Variants in LRRC31 observed in about 807,000 individuals in gnomAD.
LRRC31 encodes the protein leucine-rich repeat-containing protein 31.
Under a neutral mutation model 46.7 loss-of-function variants are expected in LRRC31, and 35 were observed. The observed-to-expected ratio is 0.75, with a 90% CI of 0.57 to 0.99. The LOEUF (loss-of-function observed/expected upper bound fraction) is 0.99, where lower values mean the gene tolerates loss of function less well. Ranked by LOEUF, LRRC31 falls within the 50% of genes least tolerant of loss-of-function variation. The pLI is 0.00. For missense variants in LRRC31, 613 were observed against 626.1 expected (o/e 0.98, Z 0.22); for synonymous variants, 236 against 235.1 (o/e 1.00, Z -0.03).
intron 8 of LRRC31, among the ~76,000 whole-genome samples, chr3:169,844,845 T>C (rs906865051): frequency 4.7e-5 from 7 of 148,382 alleles, no homozygotes; most frequent in African/African-American, 1.8e-4. Flanking sequence ...GGCAGGAGAA[T>C]CGCTTGAACC....
chr3:169,856,975 G>A (rs560491956), intron 3 of LRRC31, 103 bp from the exon 4 acceptor site: 1 of 1,123,304 alleles, frequency 8.9e-7, no homozygotes, highest in East Asian at 2.5e-5. Flanking sequence ...TGGAAACTGG[G>A]CCAGGTACTG....
At chr3:169,853,191 G>A in intron 6 of LRRC31, 2 of 984,018 alleles carry the variant, frequency 2.0e-6, no homozygotes, top group Non-Finnish European at 2.4e-6. Flanking sequence ...CTGGCACGGT[G>A]CCCCACACCA....
At chr3:169,850,269 G>A (rs950109274) in intron 7 of LRRC31, among the ~76,000 whole-genome samples, 9 of 151,868 alleles carry the variant, frequency 5.9e-5, no homozygotes, top group East Asian at 1.9e-4. Flanking sequence ...CCTCCTTTTC[G>A]GCCTGAGTAT....
At position 169,854,840 on chromosome 3, in the gene LRRC31, G is replaced by A. The variant is rs1257131492; in HGVS notation, c.964C>T (p.Leu322=). 1.2e-6 allele frequency: 2 copies of A among 1,613,422 alleles called. No homozygotes were observed. Among genetic ancestry groups the A allele is most frequent in the East Asian group, 2.2e-5 (1 of 44,878 alleles). ...LQVLDLHQCS[L]TADDVMSLTQ... ...AGTGACATCACGTCATCTGCTGTTA[G>A]TGAGCACTGGTGAAGATCTAGGACT... Residue 322 remains leucine (L), a synonymous_variant, in exon 6 of 9, where the codon CTA becomes TTA. Coordinates refer to ENST00000316428, the MANE Select transcript of LRRC31 (RefSeq NM_024727.4).
intron 1 of LRRC31, among the ~76,000 whole-genome samples, chr3:169,865,883 G>A (rs1384018821): frequency 6.6e-6 from 1 of 152,080 alleles, no homozygotes; most frequent in Non-Finnish European, 1.5e-5. Context: ...GTGACACGAG[G>A]GAACATCTTT....
rs1165028805 is a variant in LRRC31 at position 169,848,214 on chromosome 3, C to T, written c.1233G>A (p.Leu411=). The change falls in exon 8 of 9, where the codon TTG becomes TTA. Residue 411 remains leucine (L), a synonymous_variant. Coordinates refer to ENST00000316428, the MANE Select transcript of LRRC31 (RefSeq NM_024727.4). ...LSWNKCVGGN[L]KLLLETLKLS... ...GCTTTAGTGTTTCCAGAAGCAGCTT[C>T]AAGTTGCCACCAACACACTTGTTCC... is the stretch of plus-strand genomic sequence containing the variant. 6.2e-7 allele frequency: 1 copy of T among 1,614,106 alleles called. No homozygotes were observed. Among genetic ancestry groups the T allele is most frequent in the South Asian group, 1.1e-5 (1 of 91,086 alleles).
chr3:169,861,518 C>CAA (rs371250528), intron 2 of LRRC31, 152 bp downstream of exon 2: 1,049 of 606,502 alleles, frequency 1.7e-3, no homozygotes, highest in South Asian at 2.1e-3. Context: ...GACTCCGTCT[C>CAA]AAAAAAAAAA....
At chr3:169,859,312 G>T (rs1781075226) in intron 3 of LRRC31, among the ~76,000 whole-genome samples, 2 of 145,732 alleles carry the variant, frequency 1.4e-5, no homozygotes, top group South Asian at 4.2e-4. Context: ...AAAAAGGCCG[G>T]GGGGGCGGGT....
intron 6 of LRRC31, 110 bp downstream of exon 6, chr3:169,854,703 C>A: frequency 1.2e-6 from 1 of 835,558 alleles, no homozygotes; most frequent in Non-Finnish European, 1.9e-6. Context: ...ATTGATCTTT[C>A]CAATAACTTC....
chr3:169,848,003 G>T, intron 8 of LRRC31, 117 bp downstream of exon 8: 1 of 947,968 alleles, frequency 1.1e-6, no homozygotes, highest in Non-Finnish European at 1.6e-6. Context: ...AAGGGAATCT[G>T]CACAGAGGGC....
At chr3:169,855,721 T>C (rs1314779098) in intron 5 of LRRC31, among the ~76,000 whole-genome samples, 1 of 152,160 alleles carries the variant, frequency 6.6e-6, no homozygotes, top group African/African-American at 2.4e-5. Flanking sequence ...CATAAAATAA[T>C]GCTGACACTT....
intron 7 of LRRC31, among the ~76,000 whole-genome samples, chr3:169,849,786 A>G (rs372983720): frequency 5.0e-4 from 76 of 152,362 alleles, no homozygotes; most frequent in African/African-American, 1.7e-3. Context: ...CATCCTCACA[A>G]AAGAAAAGCT....
At chr3:169,868,051 T>C (rs1278700814) in intron 1 of LRRC31, among the ~76,000 whole-genome samples, 1 of 152,202 alleles carries the variant, frequency 6.6e-6, no homozygotes, top group Non-Finnish European at 1.5e-5. Context: ...TTGAGCAATA[T>C]AATAATATGT....
intron 2 of LRRC31, 70 bp downstream of exon 2, chr3:169,861,600 G>A (rs1469842615): frequency 6.6e-6 from 10 of 1,520,420 alleles, no homozygotes; most frequent in Admixed American, 3.7e-5. Flanking sequence ...GGGTAGCTGA[G>A]TATGTTTTAT....
At chr3:169,863,845 A>G (rs1000836040) in intron 1 of LRRC31, among the ~76,000 whole-genome samples, 1 of 152,142 alleles carries the variant, frequency 6.6e-6, no homozygotes. Context: ...TGTGGATGGG[A>G]GACAGGGAGG....
In LRRC31 at chr3:169,856,843, C is replaced by T. The variant is rs1780962291; in HGVS notation, c.517G>A (p.Glu173Lys). The T allele has an allele frequency of 5.6e-6, 9 of 1,610,582 alleles. No homozygotes were observed. The highest frequency in any genetic ancestry group is 1.1e-5 in the South Asian group (1 of 90,170). The change falls in exon 4 of 9, where the codon GAA becomes AAA. Residue 173 changes from glutamate (E) to lysine (K), a missense_variant. Glu to Lys is a moderately conservative substitution (Grantham distance 56). Transcript: ENST00000316428. The part of the protein sequence containing the change: ...GEAFEMIPEL[E>K]ELNLSWNSKV... ...CTGTTCCAAGACAAATTTAGCTCTTCAAGTTCAGGAATCATCTCAAATGCT... is the reference window on the plus strand; with the variant it reads ...CTGTTCCAAGACAAATTTAGCTCTTTAAGTTCAGGAATCATCTCAAATGCT...
At chr3:169,845,882 C>CA (rs572192427) in intron 8 of LRRC31, among the ~76,000 whole-genome samples, 23 of 151,756 alleles carry the variant, frequency 1.5e-4, no homozygotes, top group Admixed American at 5.2e-4. Flanking sequence ...CTTTGATCTG[C>CA]AAAAAAACAC....
At chr3:169,841,527 T>C (rs552656671) in intron 8 of LRRC31, among the ~76,000 whole-genome samples, 56 of 152,324 alleles carry the variant, frequency 3.7e-4, no homozygotes, top group Non-Finnish European at 6.6e-4. Context: ...TCTCCCTTCC[T>C]GTCTCGCAAC....
intron 8 of LRRC31, among the ~76,000 whole-genome samples, chr3:169,845,265 T>C (rs1413423387): frequency 6.6e-6 from 1 of 152,200 alleles, no homozygotes; most frequent in Non-Finnish European, 1.5e-5. Flanking sequence ...TACTCAATAT[T>C]GTTAAGATGT....
Sources: allele counts gnomAD v4.1 joint callset (sites outside exome capture counted in the v4.1 genomes callset), GRCh38; gene constraint gnomAD v4.1.1; transcripts MANE v1.5; gene names NCBI Gene and HGNC (gene_info 2026-07-23, HGNC 2026-07-21).